The following FHIT variants were observed in gnomAD, a reference collection of about 807,000 sequenced individuals.
FHIT encodes the protein fragile histidine triad diadenosine triphosphatase.
Under a neutral mutation model 17.9 loss-of-function variants are expected in FHIT, and 19 were observed. The ratio of observed to expected loss-of-function variants is 1.06; its 90% CI spans 0.74 to 1.56. FHIT has a LOEUF of 1.56. Among genes scored for constraint, FHIT ranks in the 40% most tolerant of loss-of-function variants. FHIT has a pLI of 0.00. For missense variants in FHIT, 248 were observed against 189.2 expected (o/e 1.31, Z -1.82); for synonymous variants, 81 against 69.7 (o/e 1.16, Z -0.81).
At chr3:60,452,244 G>A (rs777547107) in intron 5 of FHIT, among the ~76,000 whole-genome samples, 6 of 152,156 alleles carry the variant, frequency 3.9e-5, no homozygotes, top group Non-Finnish European at 8.8e-5. Flanking sequence ...CACTAATTTG[G>A]ACTAATAATT....
intron 4 of FHIT, chr3:60,730,367 G>A (rs1426443226): frequency 2.0e-5 from 5 of 245,810 alleles, no homozygotes; most frequent in African/African-American, 6.9e-5. Context: ...GTGGACACTC[G>A]GTCACTAAAA....
At chr3:61,097,862 T>C (rs1248703631) in intron 2 of FHIT, among the ~76,000 whole-genome samples, 1 of 152,224 alleles carries the variant, frequency 6.6e-6, no homozygotes, top group African/African-American at 2.4e-5. Context: ...CTTTGTTAGA[T>C]GCATAGTTTG....
chr3:60,178,710 T>C (rs1701791737), intron 5 of FHIT, among the ~76,000 whole-genome samples: 1 of 152,172 alleles, frequency 6.6e-6, no homozygotes, highest in Admixed American at 6.5e-5. Context: ...TTTTCGTCCA[T>C]TAGCTCTTCC....
At chr3:60,659,967 G>A (rs2040201997) in intron 4 of FHIT, among the ~76,000 whole-genome samples, 1 of 152,108 alleles carries the variant, frequency 6.6e-6, no homozygotes, top group South Asian at 2.1e-4. Flanking sequence ...GGTTGTCTCT[G>A]TGCTGAGGAT....
intron 2 of FHIT, among the ~76,000 whole-genome samples, chr3:61,180,698 C>G (rs551543526): frequency 6.6e-6 from 1 of 152,242 alleles, no homozygotes; most frequent in African/African-American, 2.4e-5. Flanking sequence ...CAAAAAAGTA[C>G]CAAGCAAAGT....
intron 4 of FHIT, among the ~76,000 whole-genome samples, chr3:60,793,695 A>G (rs1291607578): frequency 6.6e-6 from 1 of 152,198 alleles, no homozygotes; most frequent in Non-Finnish European, 1.5e-5. Flanking sequence ...AAGCCAAGCG[A>G]GGGTGTGATT....
At chr3:60,933,521 T>G (rs1553772360) in intron 3 of FHIT, among the ~76,000 whole-genome samples, 2 of 152,208 alleles carry the variant, frequency 1.3e-5, no homozygotes, top group African/African-American at 4.8e-5. Flanking sequence ...AAGAGCCACA[T>G]GAGGATAGTG....
At chr3:61,232,447 G>A (rs1206498648) in intron 1 of FHIT, among the ~76,000 whole-genome samples, 1 of 152,176 alleles carries the variant, frequency 6.6e-6, no homozygotes, top group Admixed American at 6.5e-5. Flanking sequence ...TCTGTGAGAT[G>A]AAATTCTTTA....
intron 7 of FHIT, among the ~76,000 whole-genome samples, chr3:59,992,861 C>A (rs569989112): frequency 1.3e-5 from 2 of 152,080 alleles, no homozygotes; most frequent in Admixed American, 1.3e-4. Context: ...GATATGAAGA[C>A]AGGACTGAAA....
At chr3:60,152,484 A>C (rs1255940123) in intron 5 of FHIT, among the ~76,000 whole-genome samples, 1 of 152,204 alleles carries the variant, frequency 6.6e-6, no homozygotes, top group African/African-American at 2.4e-5. Flanking sequence ...TCAGGGTATG[A>C]ATACCTAAGA....
At chr3:61,046,418 C>T (rs943071237) in intron 2 of FHIT, among the ~76,000 whole-genome samples, 7 of 152,164 alleles carry the variant, frequency 4.6e-5, no homozygotes, top group African/African-American at 1.7e-4. Context: ...TAGACACATA[C>T]ACCCTCCCAA....
chr3:60,895,653 CCTTCCTTCCTTCCTTTCTTTCTTTCTTT>C (rs1705754912), intron 3 of FHIT, among the ~76,000 whole-genome samples: 1 of 135,124 alleles, frequency 7.4e-6, no homozygotes, highest in Non-Finnish European at 1.5e-5. Flanking sequence ...TCCTTTCCCT[CCTTCCTTCCTTCCTTTCTTTCTTTCTTT>C]CTTTCTTTCT....
chr3:61,006,794 C>T (rs893488269), intron 3 of FHIT, among the ~76,000 whole-genome samples: 29 of 151,614 alleles, frequency 1.9e-4, no homozygotes, highest in African/African-American at 6.5e-4. Context: ...CTCCATTCTT[C>T]GGAAATTATC....
At chr3:60,737,982 A>T (rs1367480516) in intron 4 of FHIT, among the ~76,000 whole-genome samples, 1 of 152,202 alleles carries the variant, frequency 6.6e-6, no homozygotes, top group Non-Finnish European at 1.5e-5. Context: ...CATTTGCATT[A>T]AACTGCACTC....
At chr3:60,111,006 G>A (rs1051044679) in intron 5 of FHIT, among the ~76,000 whole-genome samples, 4 of 151,988 alleles carry the variant, frequency 2.6e-5, no homozygotes, top group African/African-American at 7.3e-5. Flanking sequence ...CCAAAATGAC[G>A]TGGGTCAGAA....
At chr3:61,008,790 A>C (rs2031609588) in intron 3 of FHIT, among the ~76,000 whole-genome samples, 1 of 152,192 alleles carries the variant, frequency 6.6e-6, no homozygotes, top group Non-Finnish European at 1.5e-5. Flanking sequence ...AATTAAATCC[A>C]ATAACAAGTT....
intron 2 of FHIT, among the ~76,000 whole-genome samples, chr3:61,056,832 A>C (rs1281907060): frequency 6.6e-6 from 1 of 152,242 alleles, no homozygotes; most frequent in Non-Finnish European, 1.5e-5. Context: ...AGCACCTAAA[A>C]TACGGGTACC....
chr3:60,255,522 C>T (rs1308703473), intron 5 of FHIT, among the ~76,000 whole-genome samples: 1 of 152,088 alleles, frequency 6.6e-6, no homozygotes, highest in Non-Finnish European at 1.5e-5. Flanking sequence ...AACCCAACTT[C>T]TCACCAACTG....
intron 3 of FHIT, among the ~76,000 whole-genome samples, chr3:60,873,455 C>T (rs1274681410): frequency 6.6e-6 from 1 of 152,190 alleles, no homozygotes; most frequent in Non-Finnish European, 1.5e-5. Context: ...GCCTTGTTTC[C>T]TTCAACAGGT....
Sources: gnomAD v4.1 joint callset for allele counts (sites outside exome capture counted in the v4.1 genomes callset) on GRCh38, gnomAD v4.1.1 for gene constraint, MANE v1.5 for transcripts, NCBI Gene and HGNC (gene_info 2026-07-23, HGNC 2026-07-21) for gene names.